Variants in FAM3D observed in about 807,000 individuals in gnomAD.
FAM3D encodes the protein FAM3 metabolism regulating signaling molecule D, also known as protein FAM3D.
In FAM3D, 26 loss-of-function variants were observed where a neutral mutation model predicts 29.8. That is an observed-to-expected ratio of 0.87 (90% CI 0.64 to 1.21). The LOEUF (loss-of-function observed/expected upper bound fraction) is 1.21. FAM3D is among the 50% of genes most tolerant of loss of function. FAM3D has a pLI of 0.00. For missense variants in FAM3D, 253 were observed against 290.9 expected (o/e 0.87, Z 0.95); for synonymous variants, 115 against 102.3 (o/e 1.12, Z -0.75).
chr3:58,666,729 G>A lies in FAM3D; in HGVS notation c.-192C>T, dbSNP rs1164765863. 2 of 152,356 alleles carry A rather than the reference G, an allele frequency of 1.3e-5. No individual in the cohort carries two copies. The highest frequency in any genetic ancestry group is 6.5e-5 in the Admixed American group (1 of 15,306). 9.4% of individuals were successfully genotyped at this position (152,356 alleles called of 1,614,324 possible). A position where few individuals can be genotyped will look rare whatever the true frequency, so the allele number is the denominator to read the frequency against. ...CTGGAGGGGTAGTGGCCTCACAGAC[G>A]GCCCTCCTCTAGATGCAGTGGGCCC... On this transcript the variant is annotated 5_prime_UTR_variant, in exon 1 of 10. Transcript: ENST00000358781.
rs544014960 is a variant in FAM3D at position 58,634,177 on chromosome 3, G to T, written c.*102C>A. 9.5e-6 allele frequency: 10 copies of T among 1,050,540 alleles called. No homozygotes were observed. The highest frequency in any genetic ancestry group is 8.8e-5 in the South Asian group (6 of 68,146). 65.1% of individuals were successfully genotyped at this position (1,050,540 alleles called of 1,614,324 possible). On this transcript the variant is annotated 3_prime_UTR_variant, in exon 10 of 10. Transcript: ENST00000358781. This position sits in a 1 kb window ranked among gnomAD's most constrained non-coding sequence, Gnocchi z 4.6. ...TGCAAGGACCTGCAGCACCTTCCACGCAGCACCCCCTGCTCCTCCTCCTCA... is the reference window on the plus strand; with the variant it reads ...TGCAAGGACCTGCAGCACCTTCCACTCAGCACCCCCTGCTCCTCCTCCTCA...
At position 58,637,304 on chromosome 3, in the gene FAM3D, G is replaced by T. The variant is rs1318650807; in HGVS notation, c.374-79C>A. ...TTCTCATGCTTGTCTACTGCCCCAT[G>T]ATGCAGGAGTCAGCTAGGCCCGGTG... On this transcript the variant is annotated intron_variant, in intron 7 of 9. Coordinates refer to ENST00000358781, the MANE Select transcript of FAM3D (RefSeq NM_138805.3). 3.7e-6 allele frequency: 5 copies of T among 1,342,320 alleles called. No homozygotes were observed. In the Admixed American group the frequency reaches 5.9e-5, roughly 16 times the overall value. 83.2% of individuals were successfully genotyped at this position (1,342,320 alleles called of 1,614,324 possible).
At chr3:58,645,165 G>A (rs2066439400) in intron 5 of FAM3D, among the ~76,000 whole-genome samples, 1 of 152,232 alleles carries the variant, frequency 6.6e-6, no homozygotes, top group Non-Finnish European at 1.5e-5. Context: ...GGGAAGCCCA[G>A]CAACTTGGCT....
At chr3:58,643,532 C>T in intron 6 of FAM3D, 130 bp downstream of exon 6, 3 of 1,018,592 alleles carry the variant, frequency 2.9e-6, no homozygotes, top group Non-Finnish European at 4.6e-6. Flanking sequence ...CACGCTTCCC[C>T]TCCTGAGCTC....
At chr3:58,663,192 C>T (rs2066965006) in intron 1 of FAM3D, among the ~76,000 whole-genome samples, 1 of 152,238 alleles carries the variant, frequency 6.6e-6, no homozygotes, top group Admixed American at 6.5e-5. Flanking sequence ...GGCCACCATG[C>T]CTGGTCTCCT....
intron 1 of FAM3D, among the ~76,000 whole-genome samples, chr3:58,658,821 T>G (rs1474759623): frequency 6.6e-6 from 1 of 152,158 alleles, no homozygotes; most frequent in Non-Finnish European, 1.5e-5. Flanking sequence ...CTGGAGATGC[T>G]AAGCTAGATG....
At chr3:58,643,916 A>C (rs1344867521) in intron 5 of FAM3D, among the ~76,000 whole-genome samples, 196 bp from the exon 6 acceptor site, 1 of 152,194 alleles carries the variant, frequency 6.6e-6, no homozygotes, top group South Asian at 2.1e-4. Flanking sequence ...TTCTCAAGGC[A>C]TGTTGGACCA....
chr3:58,663,478 C>G (rs1015836092), intron 1 of FAM3D, among the ~76,000 whole-genome samples: 1 of 152,158 alleles, frequency 6.6e-6, no homozygotes, highest in African/African-American at 2.4e-5. Context: ...ACTTGTTGGG[C>G]TGGTTTGAGC....
At position 58,634,574 on chromosome 3, in the gene FAM3D, G is replaced by A. The variant is rs577459799; in HGVS notation, c.586-206C>T. ...TCAGAGCCCAGTTAACTGCTCTCACGCCCTGAAGGGTAACCAGTTGTTGGA... is the reference window on the plus strand; with the variant it reads ...TCAGAGCCCAGTTAACTGCTCTCACACCCTGAAGGGTAACCAGTTGTTGGA... On this transcript the variant is annotated intron_variant, in intron 9 of 9. Transcript: ENST00000358781. This position sits in a 1 kb window ranked among gnomAD's most constrained non-coding sequence, Gnocchi z 4.6. 6 of 520,240 alleles carry A rather than the reference G, an allele frequency of 1.2e-5. No individual in the cohort carries two copies. The highest frequency in any genetic ancestry group is 6.8e-5 in the East Asian group (2 of 29,510). 32.2% of individuals were successfully genotyped at this position (520,240 alleles called of 1,614,324 possible).
At chr3:58,659,007 C>A (rs989772492) in intron 1 of FAM3D, among the ~76,000 whole-genome samples, 1 of 152,166 alleles carries the variant, frequency 6.6e-6, no homozygotes, top group Non-Finnish European at 1.5e-5. Context: ...GAGAAGAGAA[C>A]GAATTTGTGG....
At chr3:58,642,514 C>T (rs1413092905) in intron 6 of FAM3D, among the ~76,000 whole-genome samples, 1 of 152,160 alleles carries the variant, frequency 6.6e-6, no homozygotes, top group Non-Finnish European at 1.5e-5. Context: ...GTGGCCCTTA[C>T]AGCCAGTTCT....
chr3:58,642,791 A>G (rs2066370907), intron 6 of FAM3D, among the ~76,000 whole-genome samples: 1 of 152,086 alleles, frequency 6.6e-6, no homozygotes, highest in African/African-American at 2.4e-5. Flanking sequence ...CTGGCCCCTC[A>G]CACACTGCTC....
chr3:58,639,763 C>A (rs528747591), intron 7 of FAM3D, among the ~76,000 whole-genome samples: 2 of 152,180 alleles, frequency 1.3e-5, no homozygotes, highest in South Asian at 4.1e-4. Context: ...CCTAGCTCTG[C>A]GGACTGCTCA....
intron 1 of FAM3D, among the ~76,000 whole-genome samples, chr3:58,666,371 C>T (rs1444225384): frequency 6.6e-6 from 1 of 152,186 alleles, no homozygotes; most frequent in African/African-American, 2.4e-5. Flanking sequence ...ATTGATCAGG[C>T]CTGGTGCCTC....
In FAM3D at chr3:58,653,913, C is replaced by G. The variant is rs368439877; in HGVS notation, c.14-132G>C. 4.4e-5 allele frequency: 32 copies of G among 719,198 alleles called. No homozygotes were observed. The African/African-American group carries it at 5.3e-4, about 12-fold the overall frequency. 44.6% of individuals were successfully genotyped at this position (719,198 alleles called of 1,614,324 possible). On this transcript the variant is annotated intron_variant, in intron 2 of 9. Transcript: ENST00000358781. ...ACCACATCCATGCTGGGGACCAGAC[C>G]ATGGGACCATGTGGTAAGATGTGTG...
intron 1 of FAM3D, among the ~76,000 whole-genome samples, chr3:58,656,694 G>A (rs748572462): frequency 5.9e-5 from 9 of 152,090 alleles, no homozygotes; most frequent in Admixed American, 3.3e-4. Context: ...CCTGTCCCCT[G>A]CCCACCCCAG....
At chr3:58,649,151 T>C (rs537265904) in intron 4 of FAM3D, among the ~76,000 whole-genome samples, 164 bp downstream of exon 4, 121 of 152,194 alleles carry the variant, frequency 8.0e-4, no homozygotes, top group African/African-American at 2.7e-3. Flanking sequence ...GAAGGCACCA[T>C]TGGGCCATGG....
chr3:58,636,753 T>G (rs2066181823), intron 8 of FAM3D, among the ~76,000 whole-genome samples: 1 of 103,346 alleles, frequency 9.7e-6, no homozygotes, highest in South Asian at 4.5e-4. Flanking sequence ...GATCAGTGTA[T>G]GTATTTCCAT....
At chr3:58,639,187 G>A (rs2066259349) in intron 7 of FAM3D, among the ~76,000 whole-genome samples, 2 of 152,192 alleles carry the variant, frequency 1.3e-5, no homozygotes, top group Admixed American at 1.3e-4. Context: ...TGGACGGAAT[G>A]AGGGAAGAGG....
Sources: allele counts gnomAD v4.1 joint callset (sites outside exome capture counted in the v4.1 genomes callset), GRCh38; gene constraint gnomAD v4.1.1; non-coding constraint Gnocchi (gnomAD v3.1); transcripts MANE v1.5; gene names NCBI Gene and HGNC (gene_info 2026-07-23, HGNC 2026-07-21).